Variants in TMEM165 observed in about 807,000 individuals in gnomAD.
The protein encoded by TMEM165 is transmembrane protein 165.
TMEM165 carries 19 observed loss-of-function variants against 30.0 expected under a neutral mutation model. The ratio of observed to expected loss-of-function variants is 0.63; its 90% CI spans 0.44 to 0.93. The LOEUF (loss-of-function observed/expected upper bound fraction) is 0.93. Ranked by LOEUF, TMEM165 falls within the 40% of genes least tolerant of loss-of-function variation. The pLI, the probability that TMEM165 is intolerant of heterozygous loss-of-function variation, is 0.00. For missense variants in TMEM165, 340 were observed against 417.0 expected (o/e 0.82, Z 1.61); for synonymous variants, 168 against 162.9 (o/e 1.03, Z -0.24).
At chr4:55,411,925 G>T in intron 2 of TMEM165, 86 bp downstream of exon 2, 1 of 1,306,700 alleles carries the variant, frequency 7.7e-7, no homozygotes, top group Non-Finnish European at 1.1e-6. Context: ...CATTAACCTA[G>T]TCTTATGGGA....
intron 4 of TMEM165, among the ~76,000 whole-genome samples, chr4:55,420,131 T>G (rs2056463): frequency 3.8e-5 from 2 of 52,658 alleles, no homozygotes; most frequent in Non-Finnish European, 6.7e-5. Context: ...ACATATATAT[T>G]TATTTATTTA....
chr4:55,400,515 G>A (rs960855820), intron 1 of TMEM165, among the ~76,000 whole-genome samples: 2 of 147,100 alleles, frequency 1.4e-5, no homozygotes, highest in Admixed American at 6.9e-5. Context: ...TTGGCTCACT[G>A]CAAGGTCTGC....
intron 3 of TMEM165, among the ~76,000 whole-genome samples, chr4:55,444,249 C>G (rs566072276): frequency 4.6e-5 from 7 of 152,216 alleles, no homozygotes; most frequent in African/African-American, 1.7e-4. Flanking sequence ...GCTGGTTGGT[C>G]ATATAAGACT....
intron 3 of TMEM165, among the ~76,000 whole-genome samples, chr4:55,447,659 T>G (rs945902399): frequency 4.8e-4 from 73 of 152,246 alleles, no homozygotes; most frequent in African/African-American, 1.5e-3. Context: ...CCCCATAACA[T>G]GTTAAGAAAT....
chr4:55,425,671 C>A lies in TMEM165; in HGVS notation c.*219C>A. On this transcript the variant is annotated 3_prime_UTR_variant, in exon 6 of 6. Coordinates refer to ENST00000381334, the MANE Select transcript of TMEM165 (RefSeq NM_018475.5). Reference sequence around the variant, plus strand: ...TTCTAAGTGTGGGTTTTTCTTCTCTCCAACATAATTATGTTAATATGGTCC... The same window carrying A: ...TTCTAAGTGTGGGTTTTTCTTCTCTACAACATAATTATGTTAATATGGTCC... 2.2e-6 allele frequency: 1 copy of A among 461,130 alleles called. No individual in the cohort carries two copies. Among genetic ancestry groups the A allele is most frequent in the Non-Finnish European group, 3.8e-6 (1 of 261,124 alleles). The allele number at this position is 461,130 out of a possible 1,614,324, so 28.6% of individuals were successfully genotyped here.
At chr4:55,421,466 T>A (rs951659081) in intron 4 of TMEM165, among the ~76,000 whole-genome samples, 2 of 151,688 alleles carry the variant, frequency 1.3e-5, no homozygotes, top group African/African-American at 4.8e-5. Flanking sequence ...GCCTGGCTAA[T>A]TTTGTATTTT....
intron 1 of TMEM165, chr4:55,403,439 C>G (rs1358467364): frequency 2.2e-6 from 1 of 450,708 alleles, no homozygotes; most frequent in Non-Finnish European, 3.1e-6. Context: ...TCTTCCTTCT[C>G]TTGAGGATCA....
At chr4:55,438,659 G>T in intron 3 of TMEM165, 1 of 1,413,050 alleles carries the variant, frequency 7.1e-7, no homozygotes, top group Non-Finnish European at 9.7e-7. Context: ...GTTTTTCAAG[G>T]TCTGTATATT....
At chr4:55,438,292 T>C (rs1215879714) in intron 3 of TMEM165, 2 of 1,614,074 alleles carry the variant, frequency 1.2e-6, no homozygotes, top group East Asian at 4.5e-5. Context: ...CTGTAAAAAT[T>C]GTTGCGGTGG....
At position 55,425,359 on chromosome 4, in the gene TMEM165, TTTTC is replaced by T. The variant is rs756220105; in HGVS notation, c.899-15_899-12del. ...TAGGAATTTTACTGTATTTGACTTT[TTTTC>T]TCTCTCTTCCAGTGACAATCATAGG... is the stretch of plus-strand genomic sequence containing the variant. On this transcript the variant is annotated splice_polypyrimidine_tract_variant and intron_variant, in intron 5 of 5. Transcript: ENST00000381334. 23 of 1,610,232 alleles carry T rather than the reference TTTTC, an allele frequency of 1.4e-5. No individual in the cohort carries two copies. The highest frequency in any genetic ancestry group is 3.3e-5 in the South Asian group (3 of 90,698).
At chr4:55,418,769 G>A (rs1387295693) in intron 4 of TMEM165, among the ~76,000 whole-genome samples, 4 of 152,008 alleles carry the variant, frequency 2.6e-5, no homozygotes, top group East Asian at 1.9e-4. Flanking sequence ...AAAGAAGGCC[G>A]GGTGCCGTCC....
chr4:55,402,116 C>G (rs1305023198), intron 1 of TMEM165, among the ~76,000 whole-genome samples: 1 of 22,876 alleles, frequency 4.4e-5, no homozygotes, highest in Non-Finnish European at 7.6e-5. Context: ...AAAACTCTGT[C>G]TCCAAAAAAA....
downstream of TMEM165, among the ~76,000 whole-genome samples, chr4:55,427,233 T>C (rs1192022242): frequency 6.6e-6 from 1 of 151,006 alleles, no homozygotes; most frequent in Non-Finnish European, 1.5e-5. Context: ...TGATGGAGTT[T>C]CGCCATGCTG....
intron 2 of TMEM165, 56 bp downstream of exon 2, chr4:55,411,895 G>A (rs1381872135): frequency 6.5e-7 from 1 of 1,527,030 alleles, no homozygotes; most frequent in Non-Finnish European, 9.1e-7. Context: ...AGCGTGTTGT[G>A]TGACATGGAG....
intron 3 of TMEM165, among the ~76,000 whole-genome samples, chr4:55,439,198 GTCA>G (rs1018920593): frequency 6.6e-6 from 1 of 151,996 alleles, no homozygotes; most frequent in African/African-American, 2.4e-5. Flanking sequence ...ATGGGCAAAG[GTCA>G]AACTTGAACA....
chr4:55,444,572 T>C, intron 3 of TMEM165: 1 of 1,607,806 alleles, frequency 6.2e-7, no homozygotes, highest in Non-Finnish European at 8.5e-7. Context: ...GAAAAGTTAA[T>C]TTTCCTAGAA....
chr4:55,444,732 T>C (rs759449116), intron 3 of TMEM165: 2 of 1,614,146 alleles, frequency 1.2e-6, no homozygotes, highest in Non-Finnish European at 1.7e-6. Flanking sequence ...GTGTCCGTTG[T>C]TCCAATTGGT....
At chr4:55,420,085 G>A in intron 4 of TMEM165, among the ~76,000 whole-genome samples, 1 of 92,906 alleles carries the variant, frequency 1.1e-5, no homozygotes, top group South Asian at 5.7e-4. Context: ...GACAGAGTGA[G>A]ACACTATCTT....
intron 1 of TMEM165, among the ~76,000 whole-genome samples, chr4:55,401,752 C>T (rs1332531400): frequency 6.7e-6 from 1 of 150,286 alleles, no homozygotes; most frequent in African/African-American, 2.5e-5. Context: ...TAATTACCTT[C>T]TCAGAAGGTA....
Sources: allele counts gnomAD v4.1 joint callset (sites outside exome capture counted in the v4.1 genomes callset), GRCh38; gene constraint gnomAD v4.1.1; transcripts MANE v1.5; gene names NCBI Gene and HGNC (gene_info 2026-07-23, HGNC 2026-07-21).